The following SYNPR variants were observed in gnomAD, a reference collection of about 807,000 sequenced individuals.
SYNPR encodes synaptoporin.
A neutral mutation model predicts 32.9 loss-of-function variants in SYNPR; 23 were observed. The ratio of observed to expected loss-of-function variants is 0.70; its 90% confidence interval spans 0.50 to 0.99. The LOEUF (loss-of-function observed/expected upper bound fraction) is 0.99. Ranked by LOEUF, SYNPR falls within the 50% of genes least tolerant of loss-of-function variation. The pLI, the probability that SYNPR is intolerant of heterozygous loss-of-function variation, is 0.00. For missense variants in SYNPR, 318 were observed against 349.3 expected, an observed-to-expected ratio of 0.91 and a Z score of 0.71; for synonymous variants, 146 against 135.9, an observed-to-expected ratio of 1.07 and a Z score of -0.52.
intron 2 of SYNPR, among the ~76,000 whole-genome samples, chr3:63,453,445 G>A (rs1700419508): frequency 6.6e-6 from 1 of 152,046 alleles, no homozygotes; most frequent in Non-Finnish European, 1.5e-5. Context: ...ATTAAAAGTA[G>A]ACCTGTCAGA....
At chr3:63,266,405 A>C (rs2086485486) in intron 2 of SYNPR, among the ~76,000 whole-genome samples, 2 of 151,996 alleles carry the variant, frequency 1.3e-5, no homozygotes, top group African/African-American at 4.8e-5. Context: ...TATTAATGGA[A>C]TAAAACAAAA....
At position 63,592,703 on chromosome 3, in the gene SYNPR, T is replaced by A. The variant is rs59672246; in HGVS notation, c.409-16422T>A. Reference sequence around the variant, plus strand: ...AATAAATACGACACAAATTAAAAAATAAATAAATAAATAAATGAGTAAACC... The same window carrying A: ...AATAAATACGACACAAATTAAAAAAAAAATAAATAAATAAATGAGTAAACC... On this transcript the variant is annotated intron_variant, in intron 4 of 5. Transcript: ENST00000478300. Among the ~76,000 whole-genome samples, 1,492 of 152,148 alleles carry A rather than the reference T, an allele frequency of 9.8e-3. 7 individuals carry two copies. Among genetic ancestry groups the A allele is most frequent in the Non-Finnish European group, 0.014 (973 of 67,988 alleles).
At chr3:63,253,692 A>T (rs1220141108) in intron 2 of SYNPR, among the ~76,000 whole-genome samples, 1 of 152,306 alleles carries the variant, frequency 6.6e-6, no homozygotes, top group East Asian at 1.9e-4. Context: ...GATGTGGAGA[A>T]ATAAGAACAC....
At chr3:63,537,962 A>G (rs1702237950) in intron 3 of SYNPR, among the ~76,000 whole-genome samples, 1 of 152,120 alleles carries the variant, frequency 6.6e-6, no homozygotes, top group African/African-American at 2.4e-5. Context: ...AACCTGAGAA[A>G]GTTAAGAGTT....
chr3:63,264,594 T>G (rs370840469), intron 2 of SYNPR, among the ~76,000 whole-genome samples: 2 of 152,324 alleles, frequency 1.3e-5, no homozygotes, highest in African/African-American at 4.8e-5. Flanking sequence ...GGGCCTAATA[T>G]TTTTGTTTTC....
At chr3:63,384,915 G>T (rs1002589828) in intron 2 of SYNPR, among the ~76,000 whole-genome samples, 1 of 152,152 alleles carries the variant, frequency 6.6e-6, no homozygotes, top group African/African-American at 2.4e-5. Context: ...AGAAAGAAGA[G>T]CTCTTACCCT....
In SYNPR at chr3:63,556,576, C is replaced by T. The variant is rs774888788; in HGVS notation, c.243C>T (p.Cys81=). 59 of 1,613,208 alleles carry T rather than the reference C, an allele frequency of 3.7e-5. No homozygotes were observed. Among genetic ancestry groups the T allele is most frequent in the Admixed American group, 8.3e-5 (5 of 59,922 alleles). The change falls in exon 4 of 6, where the codon TGC becomes TGT. Residue 81 remains cysteine (C), a synonymous_variant. Coordinates refer to ENST00000478300, the MANE Select transcript of SYNPR (RefSeq NM_001130003.2). ...LHQVTFEVPT[C]EGKERQKLAL... is the part of the protein sequence containing the mutation. ...AGGTGACGTTTGAGGTGCCCACCTG[C>T]GAGGGAAAGGAACGGCAGAAGCTGG...
At position 63,616,425 on chromosome 3, in the gene SYNPR, G is replaced by T. The variant is rs1166858523; in HGVS notation, c.*944G>T. 6.6e-6 allele frequency: 1 copy of T among 152,392 alleles called. No homozygotes were observed. Among genetic ancestry groups the T allele is most frequent in the Non-Finnish European group, 1.5e-5 (1 of 68,028 alleles). 9.4% of individuals were successfully genotyped at this position (152,392 alleles called of 1,614,324 possible). ...ACCATAGTCAAGGTACCGCCTTGCT[G>T]AAGTATTTATTTATAAAGAATATTC... On this transcript the variant is annotated 3_prime_UTR_variant, in exon 6 of 6. Coordinates refer to ENST00000478300, the MANE Select transcript of SYNPR (RefSeq NM_001130003.2).
chr3:63,234,676 GTATTTTTCAATA>G (rs1054770047), intron 1 of SYNPR, among the ~76,000 whole-genome samples: 5 of 152,256 alleles, frequency 3.3e-5, no homozygotes, highest in Admixed American at 6.5e-5. Context: ...GCTCCAAAAT[GTATTTTTCAATA>G]TCTATTGAAA....
At chr3:63,485,267 A>T (rs1325156596) in intron 3 of SYNPR, among the ~76,000 whole-genome samples, 1 of 152,166 alleles carries the variant, frequency 6.6e-6, no homozygotes, top group Non-Finnish European at 1.5e-5. Context: ...AGAAGACCAA[A>T]TGGAAAAGAA....
chr3:63,496,922 A>G (rs1701385145), intron 3 of SYNPR, among the ~76,000 whole-genome samples: 1 of 152,148 alleles, frequency 6.6e-6, no homozygotes. Context: ...GGAATTTAAA[A>G]ATGAAAAGGG....
chr3:63,342,472 TG>T (rs1172663348), intron 2 of SYNPR, among the ~76,000 whole-genome samples: 1 of 152,222 alleles, frequency 6.6e-6, no homozygotes, highest in Non-Finnish European at 1.5e-5. Flanking sequence ...AAATCCTACT[TG>T]GTCATGTTGT....
At chr3:63,265,911 TGGATTTAAAGTGG>T (rs2086482221) in intron 2 of SYNPR, among the ~76,000 whole-genome samples, 1 of 152,242 alleles carries the variant, frequency 6.6e-6, no homozygotes, top group South Asian at 2.1e-4. Flanking sequence ...GTCCACTTAA[TGGATTTAAAGTGG>T]ATGCATCAAT....
chr3:63,591,167 T>A (rs71298669), intron 4 of SYNPR, among the ~76,000 whole-genome samples: 3 of 149,178 alleles, frequency 2.0e-5, no homozygotes, highest in Non-Finnish European at 4.4e-5. Context: ...GACACTTCTC[T>A]AAAGAAGACA....
intron 4 of SYNPR, among the ~76,000 whole-genome samples, chr3:63,595,893 T>TTA (rs1205730562): frequency 3.4e-4 from 26 of 75,590 alleles, no homozygotes; most frequent in African/African-American, 9.8e-4. Flanking sequence ...ATATATAGTT[T>TTA]TATATATATA....
the SYNPR span, among the ~76,000 whole-genome samples, chr3:63,208,923 C>T: frequency 1.3e-5 from 2 of 152,238 alleles, no homozygotes; most frequent in Non-Finnish European, 2.9e-5. Context: ...AAAGGTTTGA[C>T]TATAGAAATC....
intron 1 of SYNPR, among the ~76,000 whole-genome samples, chr3:63,241,068 C>T (rs1433438306): frequency 6.6e-6 from 1 of 152,090 alleles, no homozygotes; most frequent in Non-Finnish European, 1.5e-5. Flanking sequence ...TTTGCACAGG[C>T]TGTAAGAAGG....
At chr3:63,540,623 C>T (rs1303189503) in intron 3 of SYNPR, among the ~76,000 whole-genome samples, 1 of 151,946 alleles carries the variant, frequency 6.6e-6, no homozygotes, top group Non-Finnish European at 1.5e-5. Flanking sequence ...AATAAAATGT[C>T]CACCTCAGGA....
intron 2 of SYNPR, among the ~76,000 whole-genome samples, chr3:63,358,420 C>T (rs1293291582): frequency 6.6e-6 from 1 of 152,210 alleles, no homozygotes; most frequent in East Asian, 1.9e-4. Flanking sequence ...TTCTCTAGCT[C>T]TGACTTCCTG....
Sources: gnomAD v4.1 joint callset for allele counts (sites outside exome capture counted in the v4.1 genomes callset) on GRCh38, gnomAD v4.1.1 for gene constraint, MANE v1.5 for transcripts, NCBI Gene and HGNC (gene_info 2026-07-23, HGNC 2026-07-21) for gene names.